PSME4: variants seen among roughly 807,000 people sequenced by gnomAD.
PSME4 encodes the protein proteasome activator complex subunit 4.
In PSME4, 89 loss-of-function variants were observed where a neutral mutation model predicts 253.9. The observed-to-expected ratio is 0.35, with a 90% CI of 0.30 to 0.42. The LOEUF (loss-of-function observed/expected upper bound fraction) is 0.42, where lower values mean the gene tolerates loss of function less well. PSME4 is among the 10% of genes least tolerant of loss of function. The pLI is 1.00. For synonymous variants in PSME4, 851 were observed against 759.2 expected, an observed-to-expected ratio of 1.12 and a Z score of -1.99; for missense variants, 2,014 against 2,195.2, an observed-to-expected ratio of 0.92 and a Z score of 1.65.
intron 14 of PSME4, 124 bp from the exon 15 acceptor site, chr2:53,923,543 C>T: frequency 8.0e-7 from 1 of 1,242,772 alleles, no homozygotes; most frequent in Non-Finnish European, 1.1e-6. Context: ...CAATTTTTAA[C>T]CATCTGATTT....
Position 53,928,309 on chromosome 2 carries a change from G to C in PSME4, c.1317-6C>G. 3 of 1,610,818 alleles carry C rather than the reference G, an allele frequency of 1.9e-6. No homozygotes were observed. Among genetic ancestry groups the C allele is most frequent in the Non-Finnish European group, 2.5e-6 (3 of 1,177,396 alleles). ...TCTCTAATGCAGGATATGTTCTACA[G>C]TTTGAAAACAGAATTTTTAAAGTCT... On this transcript the variant is annotated splice_region_variant and splice_polypyrimidine_tract_variant and intron_variant, in intron 10 of 46. Transcript: ENST00000404125.
rs1670523273 is a variant in PSME4 at position 53,962,187 on chromosome 2, G to C, written c.242+8356C>G. 2.0e-5 allele frequency among the ~76,000 whole-genome samples: 3 copies of C among 152,280 alleles called. No individual in the cohort carries two copies. The South Asian group carries it at 6.2e-4, about 32-fold the overall frequency. On this transcript the variant is annotated intron_variant, in intron 1 of 46. Transcript: ENST00000404125. ...CAGATATTTAAGAATGTTTGCAAGGGTCTTTGAATAAATTTTGCTTGTAAG... is the reference window on the plus strand; with the variant it reads ...CAGATATTTAAGAATGTTTGCAAGGCTCTTTGAATAAATTTTGCTTGTAAG...
intron 43 of PSME4, 141 bp downstream of exon 43, chr2:53,874,198 G>C (rs1344465296): frequency 2.5e-6 from 2 of 806,118 alleles, no homozygotes; most frequent in South Asian, 3.6e-5. Flanking sequence ...GGCATCAAGT[G>C]ATCTCACTGA....
chr2:53,970,884 C>A lies in PSME4; in HGVS notation c.-100G>T. On this transcript the variant is annotated 5_prime_UTR_variant, in exon 1 of 47. Coordinates refer to ENST00000404125, the MANE Select transcript of PSME4 (RefSeq NM_014614.3). ...CCTCCGCGTCTTCGTCGCCCTGCGG[C>A]CGCTGGCGGCCCGTCGCCCTCGGAC... 1 of 1,082,154 alleles carries A rather than the reference C, an allele frequency of 9.2e-7. No individual in the cohort carries two copies. Among genetic ancestry groups the A allele is most frequent in the Admixed American group, 3.5e-5 (1 of 28,844 alleles). The allele number at this position is 1,082,154 out of a possible 1,614,324, so 67.0% of individuals were successfully genotyped here. A position where few individuals can be genotyped will look rare whatever the true frequency, so the allele number is the denominator to read the frequency against.
intron 14 of PSME4, among the ~76,000 whole-genome samples, chr2:53,924,731 G>GTCACTTACATTAGGTATCTCTCCTA (rs1308468879): frequency 2.0e-5 from 3 of 151,906 alleles, no homozygotes; most frequent in African/African-American, 7.3e-5. Flanking sequence ...CCATTAACTC[G>GTCACTTACATTAGGTATCTCTCCTA]TCACTTACAT....
intron 10 of PSME4, among the ~76,000 whole-genome samples, chr2:53,929,165 C>CA (rs11376160): frequency 0.57 from 85,302 of 150,108 alleles, 24,774 homozygotes; most frequent in East Asian, 0.72. Context: ...GACTCTGTCT[C>CA]AAAAAAAAAC....
chr2:53,967,649 C>CAAAAAAAAAAAAAAAAAAAAAA (rs71408747), intron 1 of PSME4, among the ~76,000 whole-genome samples: 2 of 21,560 alleles, frequency 9.3e-5, no homozygotes, highest in Non-Finnish European at 1.6e-4. Flanking sequence ...GAGATTGTCT[C>CAAAAAAAAAAAAAAAAAAAAAA]AAAAAAAAAA....
Position 53,954,366 on chromosome 2 carries a change from G to A in PSME4, c.243-5083C>T, listed in dbSNP as rs148119554. ...AAGAAAGAAAGACAGTGGGCTAGGC[G>A]CCATGGCTCATGCCTGAAATCCCAG... On this transcript the variant is annotated intron_variant, in intron 1 of 46. Coordinates refer to ENST00000404125, the MANE Select transcript of PSME4 (RefSeq NM_014614.3). 2.3e-3 allele frequency among the ~76,000 whole-genome samples: 350 copies of A among 152,030 alleles called. 1 individual carries two copies. The highest frequency in any genetic ancestry group is 8.0e-3 in the African/African-American group (333 of 41,494).
intron 27 of PSME4, among the ~76,000 whole-genome samples, chr2:53,902,270 T>A (rs890572028): frequency 2.0e-5 from 3 of 152,234 alleles, no homozygotes; most frequent in African/African-American, 7.2e-5. Flanking sequence ...ACCTGGTTGC[T>A]GAGTAATTTA....
At chr2:53,920,680 G>A (rs805329) in intron 18 of PSME4, among the ~76,000 whole-genome samples, 1 of 151,946 alleles carries the variant, frequency 6.6e-6, no homozygotes, top group Admixed American at 6.6e-5. Flanking sequence ...GAATATATAC[G>A]AAGTTGTTTC....
At chr2:53,925,335 C>T (rs1200097210) in intron 14 of PSME4, among the ~76,000 whole-genome samples, 1 of 152,172 alleles carries the variant, frequency 6.6e-6, no homozygotes, top group Non-Finnish European at 1.5e-5. Context: ...AAGCTTGATT[C>T]TCAGGTTGCA....
At chr2:53,918,036 G>A (rs1225899159) in intron 20 of PSME4, among the ~76,000 whole-genome samples, 1 of 152,070 alleles carries the variant, frequency 6.6e-6, no homozygotes, top group Non-Finnish European at 1.5e-5. Flanking sequence ...TTTTTGGAGT[G>A]AAAAAAATGG....
chr2:53,940,840 C>T (rs1287022731), intron 3 of PSME4, among the ~76,000 whole-genome samples: 1 of 109,306 alleles, frequency 9.1e-6, no homozygotes, highest in Admixed American at 9.7e-5. Flanking sequence ...TTCCCCAAAT[C>T]TCAAAAAAAT....
chr2:53,906,858 T>G lies in PSME4; in HGVS notation c.2795A>C (p.Lys932Thr), dbSNP rs751253047. ...CAACAGTGCTCTGATATGTTGTTTTTTCCCATGGAGCTGGAAAACAAAGTA... is the reference window on the plus strand; with the variant it reads ...CAACAGTGCTCTGATATGTTGTTTTGTCCCATGGAGCTGGAAAACAAAGTA... Reference protein sequence around the residue: ...KKSMENRLHGKKQHIRALLID... With the variant: ...KKSMENRLHGTKQHIRALLID... Residue 932 changes from lysine to threonine, a missense_variant, in exon 25 of 47, where the codon AAA becomes ACA. Lys to Thr is a moderately conservative substitution (Grantham distance 78). Coordinates refer to ENST00000404125, the MANE Select transcript of PSME4 (RefSeq NM_014614.3). 6.2e-7 allele frequency: 1 copy of G among 1,613,332 alleles called. No individual in the cohort carries two copies. The highest frequency in any genetic ancestry group is 8.5e-7 in the Non-Finnish European group (1 of 1,179,730).
chr2:53,939,989 T>C lies in PSME4; in HGVS notation c.512A>G (p.Asn171Ser), dbSNP rs1415940050. Residue 171 changes from asparagine (N) to serine (S), a missense_variant, in exon 4 of 47, where the codon AAT becomes AGT. Physicochemically the swap from Asn to Ser is conservative, Grantham distance 46 (BLOSUM62 1). Around this residue, in one of 4 missense-constraint regions of PSME4, gnomAD observed 615 missense variants for 594.4 expected, o/e 1.03. Coordinates refer to ENST00000404125, the MANE Select transcript of PSME4 (RefSeq NM_014614.3). ...GCTTTTCACGAGTGTTTTGAGAATA[T>C]TTTCTACAGAACTGGGGGGGGAAAG... ...GLNWFPNSVENILKTLVKSCR... is the reference protein window; with the variant it reads ...GLNWFPNSVESILKTLVKSCR... 6.3e-7 allele frequency: 1 copy of C among 1,592,168 alleles called. No homozygotes were observed. Among genetic ancestry groups the C allele is most frequent in the Admixed American group, 1.7e-5 (1 of 59,400 alleles).
rs1442914271 is a variant in PSME4, at chr2:53,887,240, A to G, written c.4729+19T>C. The G allele has an allele frequency of 6.3e-7, 1 of 1,587,904 alleles. No homozygotes were observed. Among genetic ancestry groups the G allele is most frequent in the Non-Finnish European group, 8.6e-7 (1 of 1,156,558 alleles). The stretch of plus-strand genomic sequence containing the variant: ...AATAGATGTTTTCAACTGAGTTTCT[A>G]CTAATTTTATCCACTCACTGGTTTT... On this transcript the variant is annotated intron_variant, in intron 40 of 46. Transcript: ENST00000404125.
intron 29 of PSME4, 142 bp from the exon 30 acceptor site, chr2:53,898,496 G>T: frequency 1.6e-6 from 1 of 606,908 alleles, no homozygotes; most frequent in South Asian, 2.7e-5. Flanking sequence ...CTGATGAGAA[G>T]CAAGCCAGAA....
chr2:53,913,375 A>G lies in PSME4; in HGVS notation c.2517-3245T>C, dbSNP rs527593393. Among the ~76,000 whole-genome samples the G allele has an allele frequency of 2.0e-5, 3 of 152,344 alleles. No homozygotes were observed. In the East Asian group the frequency reaches 5.8e-4, roughly 29 times the overall value. On this transcript the variant is annotated intron_variant, in intron 20 of 46. Coordinates refer to ENST00000404125, the MANE Select transcript of PSME4 (RefSeq NM_014614.3). ...ACTGGTAGGAAAGAAGGGATGCTGA[A>G]AAAGAAATAACTAATAACACAAAAA...
chr2:53,937,371 C>A lies in PSME4; in HGVS notation c.695+20G>T. 1.3e-6 allele frequency: 2 copies of A among 1,517,602 alleles called. No individual in the cohort carries two copies. Among genetic ancestry groups the A allele is most frequent in the South Asian group, 2.5e-5 (2 of 80,232 alleles). 94.0% of individuals were successfully genotyped at this position (1,517,602 alleles called of 1,614,324 possible). A position where few individuals can be genotyped will look rare whatever the true frequency, so the allele number is the denominator to read the frequency against. On this transcript the variant is annotated intron_variant, in intron 5 of 46. Transcript: ENST00000404125. ...TTCCTACCGTATTTTTAGAATTTGTCAAGATATGAACATACTTACTTAAAA... is the reference window on the plus strand; with the variant it reads ...TTCCTACCGTATTTTTAGAATTTGTAAAGATATGAACATACTTACTTAAAA...
Sources: allele counts gnomAD v4.1 joint callset (sites outside exome capture counted in the v4.1 genomes callset), GRCh38; gene constraint gnomAD v4.1.1; regional missense constraint gnomAD v4.1.1; transcripts MANE v1.5; gene names NCBI Gene and HGNC (gene_info 2026-07-23, HGNC 2026-07-21).